Variants in BAIAP2L1 observed in about 807,000 individuals in gnomAD.
BAIAP2L1 encodes the protein BAR/IMD domain-containing adapter protein 2-like 1.
A neutral mutation model predicts 66.3 loss-of-function variants in BAIAP2L1; 35 were observed. The ratio of observed to expected loss-of-function variants is 0.53; its 90% CI spans 0.40 to 0.70. The LOEUF is 0.70. BAIAP2L1 is among the 30% of genes least tolerant of loss of function. The probability of loss-of-function intolerance (pLI) is 0.00; values close to 1 mark genes in which losing one functional copy is unlikely to be tolerated. For missense variants in BAIAP2L1, 622 were observed against 656.9 expected, an observed-to-expected ratio of 0.95 and a Z score of 0.58; for synonymous variants, 269 against 248.7, an observed-to-expected ratio of 1.08 and a Z score of -0.77.
intron 1 of BAIAP2L1, among the ~76,000 whole-genome samples, chr7:98,379,482 G>T (rs1213472085): frequency 6.6e-6 from 1 of 151,284 alleles, no homozygotes; most frequent in African/African-American, 2.4e-5. Flanking sequence ...TCCAACCAAG[G>T]TTCACAAAAG....
intron 1 of BAIAP2L1, among the ~76,000 whole-genome samples, chr7:98,377,478 A>T (rs536652866): frequency 6.6e-6 from 1 of 152,306 alleles, no homozygotes; most frequent in Non-Finnish European, 1.5e-5. Flanking sequence ...TGGTACTGTC[A>T]TACTTTTTGC....
intron 3 of BAIAP2L1, among the ~76,000 whole-genome samples, chr7:98,348,561 T>C (rs909305155): frequency 7.1e-5 from 10 of 141,134 alleles, no homozygotes; most frequent in African/African-American, 2.5e-4. Context: ...AGTGAGACTC[T>C]GCCTCCACAA....
chr7:98,338,891 T>C (rs1487208962), intron 3 of BAIAP2L1, among the ~76,000 whole-genome samples: 1 of 151,926 alleles, frequency 6.6e-6, no homozygotes, highest in Admixed American at 6.6e-5. Flanking sequence ...CTGACCAACA[T>C]GGAGAAACAC....
At chr7:98,352,675 T>C (rs1435723727) in intron 3 of BAIAP2L1, among the ~76,000 whole-genome samples, 1 of 152,076 alleles carries the variant, frequency 6.6e-6, no homozygotes, top group Admixed American at 6.6e-5. Flanking sequence ...CCCATAGATA[T>C]ATACATGCAC....
intron 11 of BAIAP2L1, among the ~76,000 whole-genome samples, chr7:98,305,986 A>T (rs1800641822): frequency 6.6e-6 from 1 of 152,180 alleles, no homozygotes; most frequent in Non-Finnish European, 1.5e-5. Flanking sequence ...CTGATGTTTA[A>T]TTGATGGGCA....
At chr7:98,379,017 G>C (rs781180537) in intron 1 of BAIAP2L1, among the ~76,000 whole-genome samples, 2 of 152,144 alleles carry the variant, frequency 1.3e-5, no homozygotes, top group Non-Finnish European at 2.9e-5. Flanking sequence ...TTTTAGTAGA[G>C]ACTGGGTTTC....
intron 1 of BAIAP2L1, chr7:98,386,474 A>G (rs1396948480): frequency 6.3e-7 from 1 of 1,597,328 alleles, no homozygotes; most frequent in Non-Finnish European, 8.5e-7. Flanking sequence ...TACTGAACAT[A>G]GCAGGTGCTT....
At chr7:98,375,742 CAA>C (rs372282399) in intron 1 of BAIAP2L1, among the ~76,000 whole-genome samples, 3 of 59,086 alleles carry the variant, frequency 5.1e-5, no homozygotes, top group African/African-American at 7.2e-5. Context: ...AAGTCCATCT[CAA>C]AAAAAAAAAA....
intron 12 of BAIAP2L1, among the ~76,000 whole-genome samples, chr7:98,300,753 C>T (rs921338607): frequency 6.6e-6 from 1 of 152,146 alleles, no homozygotes; most frequent in African/African-American, 2.4e-5. Flanking sequence ...GCTGGCGGCA[C>T]CACTCCCCTC....
intron 9 of BAIAP2L1, chr7:98,308,661 G>GA (rs201693243): frequency 2.3e-4 from 53 of 226,892 alleles, no homozygotes; most frequent in South Asian, 1.2e-3. Flanking sequence ...AAAAAAGGTA[G>GA]AAAAAAATAT....
intron 1 of BAIAP2L1, among the ~76,000 whole-genome samples, chr7:98,366,082 CA>C (rs1415754764): frequency 1.3e-5 from 2 of 152,134 alleles, no homozygotes; most frequent in East Asian, 1.9e-4. Context: ...CTACAGTCAT[CA>C]GGGGCCACTG....
chr7:98,355,833 T>TTG, intron 2 of BAIAP2L1, among the ~76,000 whole-genome samples: 1 of 152,100 alleles, frequency 6.6e-6, no homozygotes, highest in East Asian at 1.9e-4. Flanking sequence ...TAGTTAGGAG[T>TTG]TGTGTGAGGT....
chr7:98,359,858 C>T (rs752845185), intron 2 of BAIAP2L1, among the ~76,000 whole-genome samples: 1 of 150,172 alleles, frequency 6.7e-6, no homozygotes, highest in Admixed American at 6.7e-5. Flanking sequence ...CTTCTGGACT[C>T]AAGCAATCCT....
At chr7:98,332,778 C>T (rs894425641) in intron 3 of BAIAP2L1, among the ~76,000 whole-genome samples, 2 of 145,474 alleles carry the variant, frequency 1.4e-5, no homozygotes, top group East Asian at 2.0e-4. Flanking sequence ...CGCTGCACTC[C>T]AGCCTGGGTT....
At chr7:98,306,676 A>G in intron 10 of BAIAP2L1, 160 bp from the exon 11 acceptor site, 1 of 1,011,650 alleles carries the variant, frequency 9.9e-7, no homozygotes, top group Non-Finnish European at 1.4e-6. Flanking sequence ...GTAAATATGG[A>G]CTTTCACATA....
intron 8 of BAIAP2L1, among the ~76,000 whole-genome samples, chr7:98,311,494 T>C (rs1488958587): frequency 1.3e-5 from 2 of 150,960 alleles, no homozygotes; most frequent in East Asian, 2.0e-4. Flanking sequence ...TGAGCCGAGA[T>C]TGCGCCATTG....
In BAIAP2L1 at chr7:98,317,273, T is replaced by C. The variant is rs1439162496; in HGVS notation, c.432A>G (p.Arg144=). 1 of 1,614,156 alleles carries C rather than the reference T, an allele frequency of 6.2e-7. No individual in the cohort carries two copies. The highest frequency in any genetic ancestry group is 1.3e-5 in the African/African-American group (1 of 74,946). ...CGTTTCGGCTTCCTTGGCTTTTCCT[T>C]CTGATCTTCTTCAACTCAGCTTGGG... ...EKSQAELKKI[R]RKSQGSRNAL... The change falls in exon 6 of 14, where the codon AGA becomes AGG. Residue 144 remains arginine, a synonymous_variant. Transcript: ENST00000005260.
chr7:98,347,386 CTT>C (rs1801895114), intron 3 of BAIAP2L1, among the ~76,000 whole-genome samples: 2 of 152,158 alleles, frequency 1.3e-5, no homozygotes, highest in Admixed American at 1.3e-4. Context: ...ATCAAAATGA[CTT>C]TGTGTGGTTT....
At chr7:98,313,101 C>T (rs1033843383) in intron 7 of BAIAP2L1, among the ~76,000 whole-genome samples, 1 of 151,232 alleles carries the variant, frequency 6.6e-6, no homozygotes, top group Non-Finnish European at 1.5e-5. Flanking sequence ...AAGACCCCCT[C>T]ACACCACCCC....
Sources: allele counts gnomAD v4.1 joint callset (sites outside exome capture counted in the v4.1 genomes callset), GRCh38; gene constraint gnomAD v4.1.1; transcripts MANE v1.5; gene names NCBI Gene and HGNC (gene_info 2026-07-23, HGNC 2026-07-21).